Variants in TRIM67 observed in about 807,000 individuals in gnomAD.
TRIM67 encodes the protein tripartite motif-containing protein 67.
A neutral mutation model predicts 71.0 loss-of-function variants in TRIM67; 39 were observed. That is an observed-to-expected ratio of 0.55 (90% CI 0.43 to 0.72). The LOEUF is 0.72. Among genes scored for constraint, TRIM67 ranks in the 30% least tolerant of loss-of-function variants. TRIM67 has a pLI of 0.00. For missense variants in TRIM67, 973 were observed against 1,079.2 expected (o/e 0.90, Z 1.38); for synonymous variants, 481 against 473.9 (o/e 1.01, Z -0.19).
intron 1 of TRIM67, among the ~76,000 whole-genome samples, chr1:231,174,836 C>T (rs1682703697): frequency 6.6e-6 from 1 of 152,140 alleles, no homozygotes; most frequent in Non-Finnish European, 1.5e-5. Context: ...TGCAAACTGC[C>T]TTATGCCCTT....
intron 3 of TRIM67, 73 bp from the exon 4 acceptor site, chr1:231,200,075 C>A: frequency 1.7e-6 from 2 of 1,177,202 alleles, no homozygotes; most frequent in South Asian, 1.2e-5. Context: ...GGCACTAGTT[C>A]TCTGACTCTT....
At chr1:231,176,662 A>G (rs1682756137) in intron 1 of TRIM67, among the ~76,000 whole-genome samples, 1 of 152,096 alleles carries the variant, frequency 6.6e-6, no homozygotes, top group South Asian at 2.1e-4. Context: ...AAATGAAGGA[A>G]CTCAGACTAC....
intron 6 of TRIM67, among the ~76,000 whole-genome samples, chr1:231,204,563 C>T (rs190046792): frequency 9.9e-5 from 15 of 152,250 alleles, no homozygotes; most frequent in Admixed American, 5.2e-4. Context: ...TTCTACTCCC[C>T]ATCTTCTAGA....
intron 7 of TRIM67, 96 bp downstream of exon 7, chr1:231,206,886 G>T: frequency 1.5e-6 from 2 of 1,343,200 alleles, no homozygotes; most frequent in South Asian, 1.5e-5. Context: ...GATGGGGTAG[G>T]GGTGGGGGGT....
At chr1:231,164,801 G>T (rs1156978719) in intron 1 of TRIM67, among the ~76,000 whole-genome samples, 1 of 152,146 alleles carries the variant, frequency 6.6e-6, no homozygotes, top group Non-Finnish European at 1.5e-5. Flanking sequence ...AAGCAAAAAG[G>T]TGAGCACAGA....
chr1:231,176,921 A>AC (rs1682767066), intron 1 of TRIM67, among the ~76,000 whole-genome samples: 2 of 151,786 alleles, frequency 1.3e-5, no homozygotes, highest in African/African-American at 4.8e-5. Context: ...AAAAAAAAAA[A>AC]AACACCTTTC....
At chr1:231,165,712 G>A (rs561209002) in intron 1 of TRIM67, among the ~76,000 whole-genome samples, 5 of 152,212 alleles carry the variant, frequency 3.3e-5, no homozygotes, top group African/African-American at 1.2e-4. Context: ...TAGCTATCTT[G>A]CTTATTTCAT....
intron 1 of TRIM67, among the ~76,000 whole-genome samples, chr1:231,185,468 G>A (rs1341352538): frequency 2.6e-5 from 4 of 151,824 alleles, no homozygotes; most frequent in Non-Finnish European, 5.9e-5. Flanking sequence ...GCAGGACCAG[G>A]GAGTGAGCCG....
chr1:231,196,724 A>G (rs1683377700), intron 1 of TRIM67, among the ~76,000 whole-genome samples: 1 of 152,224 alleles, frequency 6.6e-6, no homozygotes, highest in Non-Finnish European at 1.5e-5. Context: ...CTTGGGCCAC[A>G]GCAACTGATC....
chr1:231,215,561 C>A lies in TRIM67; in HGVS notation c.*121C>A. 1 of 1,439,860 alleles carries A rather than the reference C, an allele frequency of 6.9e-7. No homozygotes were observed. Among genetic ancestry groups the A allele is most frequent in the Non-Finnish European group, 9.2e-7 (1 of 1,089,586 alleles). The allele number at this position is 1,439,860 out of a possible 1,614,324, so 89.2% of individuals were successfully genotyped here. Reference sequence around the variant, plus strand: ...TATGCAAATCATGGGTGCAACCTGGCAGCGTGGAGTGTCATAGAAACACAT... The same window carrying A: ...TATGCAAATCATGGGTGCAACCTGGAAGCGTGGAGTGTCATAGAAACACAT... On this transcript the variant is annotated 3_prime_UTR_variant, in exon 10 of 10. Transcript: ENST00000366653.
Position 231,215,361 on chromosome 1 carries a change from G to A in TRIM67, c.2287-14G>A, listed in dbSNP as rs750395035. The A allele has an allele frequency of 1.9e-6, 3 of 1,611,908 alleles. No homozygotes were observed. In the Admixed American group the frequency reaches 5.0e-5, roughly 27 times the overall value. On this transcript the variant is annotated splice_polypyrimidine_tract_variant and intron_variant, in intron 9 of 9. Transcript: ENST00000366653. The stretch of plus-strand genomic sequence containing the variant: ...AGCCTCTCCCACCCTCACTTGCCCT[G>A]TCTTCTTTTCCAGGTCACCCTGCAC...
chr1:231,191,696 A>G (rs1288103492), intron 1 of TRIM67, among the ~76,000 whole-genome samples: 1 of 152,192 alleles, frequency 6.6e-6, no homozygotes, highest in Non-Finnish European at 1.5e-5. Context: ...CAGTCCTCAG[A>G]GTAGGGTCAG....
chr1:231,211,027 A>AT (rs1553328710), intron 8 of TRIM67, among the ~76,000 whole-genome samples: 93 of 130,500 alleles, frequency 7.1e-4, no homozygotes, highest in African/African-American at 2.4e-3. Context: ...TACCAAAAAA[A>AT]AAAAATATAT....
rs1684069782 is a variant in TRIM67, at chr1:231,218,523, A to C, written c.*3083A>C. 2.0e-6 allele frequency: 2 copies of C among 985,394 alleles called. No homozygotes were observed. The highest frequency in any genetic ancestry group is 9.4e-5 in the South Asian group (2 of 21,268). The allele number at this position is 985,394 out of a possible 1,614,324, so 61.0% of individuals were successfully genotyped here. ...TTCCGAAAATATCCACTAGCACCTC[A>C]CTGCATACATAGCATCCCAGCTCCT... On this transcript the variant is annotated 3_prime_UTR_variant, in exon 10 of 10. Transcript: ENST00000366653.
chr1:231,192,941 GCTTCTTGCCAAGCTCCTTGGT>G (rs1683272124), intron 1 of TRIM67, among the ~76,000 whole-genome samples: 1 of 152,198 alleles, frequency 6.6e-6, no homozygotes. Context: ...CTGTTTTTGG[GCTTCTTGCCAAGCTCCTTGGT>G]CTTCTTGCCA....
At chr1:231,190,249 G>A (rs527409830) in intron 1 of TRIM67, among the ~76,000 whole-genome samples, 2 of 152,274 alleles carry the variant, frequency 1.3e-5, no homozygotes, top group South Asian at 4.1e-4. Context: ...CAGAGTCGTG[G>A]CAGCAGGCTC....
intron 8 of TRIM67, 139 bp from the exon 9 acceptor site, chr1:231,213,676 C>T: frequency 3.8e-6 from 4 of 1,039,340 alleles, no homozygotes; most frequent in Non-Finnish European, 5.5e-6. Flanking sequence ...GGCTGTTGTG[C>T]ACCGAGATGG....
At position 231,219,230 on chromosome 1, in the gene TRIM67, A is replaced by C. The variant is rs79999267; in HGVS notation, c.*3790A>C. 0.034 allele frequency: 33,459 copies of C among 984,012 alleles called. 653 individuals carry two copies. The highest frequency in any genetic ancestry group is 0.047 in the South Asian group (1,000 of 21,250). 61.0% of individuals were successfully genotyped at this position (984,012 alleles called of 1,614,324 possible). ...TGCGATAGGTTCTGTATGCCGTAGG[A>C]TGTTTAGCAACATCCCTGGTCTCTA... On this transcript the variant is annotated 3_prime_UTR_variant, in exon 10 of 10. Coordinates refer to ENST00000366653, the MANE Select transcript of TRIM67 (RefSeq NM_001004342.5).
chr1:231,199,851 G>T (rs11122250), intron 3 of TRIM67, among the ~76,000 whole-genome samples: 1 of 152,098 alleles, frequency 6.6e-6, no homozygotes, highest in African/African-American at 2.4e-5. Flanking sequence ...AGAAGCTGGT[G>T]GCTGATTGTA....
Sources: allele counts gnomAD v4.1 joint callset (sites outside exome capture counted in the v4.1 genomes callset), GRCh38; gene constraint gnomAD v4.1.1; transcripts MANE v1.5; gene names NCBI Gene and HGNC (gene_info 2026-07-23, HGNC 2026-07-21).